RAB3GAP2: variants seen among roughly 807,000 people sequenced by gnomAD.
RAB3GAP2 encodes RAB3 GTPase activating non-catalytic protein subunit 2, also known as rab3 GTPase-activating protein non-catalytic subunit.
A neutral mutation model predicts 185.3 loss-of-function variants in RAB3GAP2; 87 were observed. That is an observed-to-expected ratio of 0.47 (90% CI 0.39 to 0.56). RAB3GAP2 has a LOEUF of 0.56. Among genes scored for constraint, RAB3GAP2 ranks in the 20% least tolerant of loss-of-function variants. RAB3GAP2 has a pLI of 0.00. For missense variants in RAB3GAP2, 1,492 were observed against 1,638.2 expected (o/e 0.91, Z 1.54); for synonymous variants, 554 against 576.1 (o/e 0.96, Z 0.55).
At chr1:220,193,467 C>T in intron 12 of RAB3GAP2, 88 bp from the exon 13 acceptor site, 1 of 1,288,156 alleles carries the variant, frequency 7.8e-7, no homozygotes, top group Non-Finnish European at 1.1e-6. Context: ...ATGAAATAGG[C>T]TGAATCTGTT....
intron 1 of RAB3GAP2, among the ~76,000 whole-genome samples, chr1:220,238,265 G>T (rs1055822693): frequency 5.9e-5 from 9 of 152,110 alleles, no homozygotes; most frequent in African/African-American, 2.2e-4. Flanking sequence ...GGCTGGTGAT[G>T]TGTGTTTTAC....
intron 26 of RAB3GAP2, among the ~76,000 whole-genome samples, chr1:220,165,125 A>G (rs944880564): frequency 1.3e-5 from 2 of 150,360 alleles, no homozygotes; most frequent in Non-Finnish European, 3.0e-5. Context: ...CAATAAGCTT[A>G]CTTTTGTAGA....
intron 2 of RAB3GAP2, among the ~76,000 whole-genome samples, chr1:220,219,057 A>G (rs1203454191): frequency 6.6e-6 from 1 of 152,232 alleles, no homozygotes; most frequent in Non-Finnish European, 1.5e-5. Context: ...CCCCAGCCAG[A>G]GTAAATTTTA....
Position 220,150,961 on chromosome 1 carries a change from A to G in RAB3GAP2, c.*290T>C. On this transcript the variant is annotated 3_prime_UTR_variant, in exon 35 of 35. Coordinates refer to ENST00000358951, the MANE Select transcript of RAB3GAP2 (RefSeq NM_012414.4). ...AATTATAACCAATTTTAAATAGCAA[A>G]GTTTAACAATAAAGCTACTTAAGTG... 1 of 359,800 alleles carries G rather than the reference A, an allele frequency of 2.8e-6. No individual in the cohort carries two copies. The highest frequency in any genetic ancestry group is 5.0e-6 in the Non-Finnish European group (1 of 198,954). The allele number at this position is 359,800 out of a possible 1,614,324, so 22.3% of individuals were successfully genotyped here. A position where few individuals can be genotyped will look rare whatever the true frequency, so the allele number is the denominator to read the frequency against.
In RAB3GAP2 at chr1:220,182,628, A is replaced by C. The variant is rs1658433089; in HGVS notation, c.2212+90T>G. ...ATCCTTTCATTATTTAAATTTCAAA[A>C]CAAATGGAATCTCTGAGATGCTATA... On this transcript the variant is annotated intron_variant, in intron 20 of 34. Transcript: ENST00000358951. 17 of 1,277,424 alleles carry C rather than the reference A, an allele frequency of 1.3e-5. No homozygotes were observed. In the South Asian group the frequency reaches 2.6e-4, roughly 19 times the overall value. The allele number at this position is 1,277,424 out of a possible 1,614,324, so 79.1% of individuals were successfully genotyped here.
intron 31 of RAB3GAP2, among the ~76,000 whole-genome samples, chr1:220,154,923 C>T (rs1657829999): frequency 6.6e-6 from 1 of 152,046 alleles, no homozygotes. Flanking sequence ...GGGGTTTTCA[C>T]CATATTGGCC....
chr1:220,227,989 G>GT (rs1659433851), intron 2 of RAB3GAP2, among the ~76,000 whole-genome samples: 1 of 152,150 alleles, frequency 6.6e-6, no homozygotes, highest in East Asian at 1.9e-4. Flanking sequence ...CTGACCTCAA[G>GT]TGATCTGACC....
intron 27 of RAB3GAP2, among the ~76,000 whole-genome samples, chr1:220,163,688 G>A (rs1658007070): frequency 6.9e-6 from 1 of 144,006 alleles, no homozygotes; most frequent in Non-Finnish European, 1.5e-5. Flanking sequence ...AATAAAGATA[G>A]AATAATCTAA....
At chr1:220,189,933 C>T (rs921285287) in intron 16 of RAB3GAP2, 131 bp downstream of exon 16, 2 of 1,064,226 alleles carry the variant, frequency 1.9e-6, no homozygotes, top group Non-Finnish European at 2.8e-6. Flanking sequence ...CTAGATGGCA[C>T]ACTTCAGCCT....
intron 2 of RAB3GAP2, among the ~76,000 whole-genome samples, chr1:220,219,818 G>T (rs1166094298): frequency 1.3e-5 from 2 of 152,166 alleles, no homozygotes; most frequent in East Asian, 1.9e-4. Context: ...AACAAAATAT[G>T]ATTTCCAGCG....
At chr1:220,165,712 C>G (rs192830837) in intron 26 of RAB3GAP2, among the ~76,000 whole-genome samples, 108 of 152,306 alleles carry the variant, frequency 7.1e-4, no homozygotes, top group Non-Finnish European at 1.2e-3. Context: ...ACTGATAACA[C>G]TAGTCAAAAT....
In RAB3GAP2 at chr1:220,162,197, C is replaced by T; in HGVS notation, c.3225+1G>A. 2 of 1,552,798 alleles carry T rather than the reference C, an allele frequency of 1.3e-6. No homozygotes were observed. Among genetic ancestry groups the T allele is most frequent in the Non-Finnish European group, 8.9e-7 (1 of 1,124,574 alleles). ...GAAGTCAATACATGAAACTACCTTACCTTATCCATTAAGTATGTAGCAGCA... is the reference window on the plus strand; with the variant it reads ...GAAGTCAATACATGAAACTACCTTATCTTATCCATTAAGTATGTAGCAGCA... On this transcript the variant is annotated splice_donor_variant, in intron 28 of 34. Transcript: ENST00000358951. LOFTEE classifies it high-confidence loss of function.
At chr1:220,238,281 G>C (rs1053772400) in intron 1 of RAB3GAP2, among the ~76,000 whole-genome samples, 4 of 152,118 alleles carry the variant, frequency 2.6e-5, no homozygotes, top group African/African-American at 9.7e-5. Context: ...TTTACATGTA[G>C]AGCACATCTC....
intron 27 of RAB3GAP2, among the ~76,000 whole-genome samples, chr1:220,164,344 G>T (rs980542748): frequency 6.6e-6 from 1 of 151,844 alleles, no homozygotes; most frequent in Non-Finnish European, 1.5e-5. Flanking sequence ...TACACTCAGG[G>T]ATAGTAGTCA....
chr1:220,260,059 G>C (rs1446730273), intron 1 of RAB3GAP2, among the ~76,000 whole-genome samples: 1 of 152,160 alleles, frequency 6.6e-6, no homozygotes, highest in Non-Finnish European at 1.5e-5. Flanking sequence ...ATGCCAGTCA[G>C]AATGACTATT....
intron 1 of RAB3GAP2, among the ~76,000 whole-genome samples, chr1:220,241,210 G>A (rs1175816926): frequency 6.6e-6 from 1 of 151,972 alleles, no homozygotes; most frequent in Non-Finnish European, 1.5e-5. Flanking sequence ...CTCATAAACT[G>A]AGTGTATGTT....
At chr1:220,260,298 A>G (rs1660108586) in intron 1 of RAB3GAP2, among the ~76,000 whole-genome samples, 1 of 146,774 alleles carries the variant, frequency 6.8e-6, no homozygotes, top group Non-Finnish European at 1.5e-5. Context: ...ACATATGTTC[A>G]CTGCAGCACT....
Position 220,158,430 on chromosome 1 carries a change from C to A in RAB3GAP2, c.3262-554G>T, listed in dbSNP as rs547573635. ...AAAGGGCTTGTCCAAGGGACCACTG[C>A]ATTTGTGTATAATCTTTTTTTTTTT... On this transcript the variant is annotated intron_variant, in intron 29 of 34. Coordinates refer to ENST00000358951, the MANE Select transcript of RAB3GAP2 (RefSeq NM_012414.4). This position sits in a 1 kb window ranked among gnomAD's most constrained non-coding sequence, Gnocchi z 4.3. 6.6e-6 allele frequency among the ~76,000 whole-genome samples: 1 copy of A among 152,032 alleles called. No individual in the cohort carries two copies. The highest frequency in any genetic ancestry group is 1.5e-5 in the Non-Finnish European group (1 of 67,952).
chr1:220,156,960 A>G (rs1248574470), intron 31 of RAB3GAP2, among the ~76,000 whole-genome samples: 3 of 152,124 alleles, frequency 2.0e-5, no homozygotes, highest in Non-Finnish European at 4.4e-5. Flanking sequence ...AGAGAAGTTC[A>G]AAAGAAATGA....
Sources: allele counts gnomAD v4.1 joint callset (sites outside exome capture counted in the v4.1 genomes callset), GRCh38; gene constraint gnomAD v4.1.1; non-coding constraint Gnocchi (gnomAD v3.1); transcripts MANE v1.5; gene names NCBI Gene and HGNC (gene_info 2026-07-23, HGNC 2026-07-21).